Variants in OCLN observed in about 807,000 individuals in gnomAD.
OCLN encodes occludin.
In OCLN, 21 loss-of-function variants were observed where a neutral mutation model predicts 47.9. That is an observed-to-expected ratio of 0.44 (90% confidence interval 0.31 to 0.63). OCLN has a LOEUF of 0.63. OCLN is among the 30% of genes least tolerant of loss of function. The pLI is 0.08. For missense variants in OCLN, 360 were observed against 571.0 expected (o/e 0.63, Z 3.77); for synonymous variants, 117 against 198.4 (o/e 0.59, Z 3.45).
At chr5:69,523,831 C>T (rs567462945) in intron 4 of OCLN, among the ~76,000 whole-genome samples, 19 of 152,188 alleles carry the variant, frequency 1.2e-4, no homozygotes, top group African/African-American at 3.9e-4. Flanking sequence ...CCACCGTGCC[C>T]GGCCAATGAT....
chr5:69,550,760 ATCTT>A (rs1769848407), intron 7 of OCLN, among the ~76,000 whole-genome samples: 1 of 51,894 alleles, frequency 1.9e-5, no homozygotes, highest in Middle Eastern at 5.2e-3. Flanking sequence ...GGTGTTATAG[ATCTT>A]TCTTAATTTA....
chr5:69,516,181 C>T lies in OCLN; in HGVS notation c.891+2072C>T, dbSNP rs560512200. Among the ~76,000 whole-genome samples the T allele has an allele frequency of 5.5e-3, 836 of 152,020 alleles. 5 individuals are homozygous for T. The highest frequency in any genetic ancestry group is 0.019 in the African/African-American group (777 of 41,470). Reference sequence around the variant, plus strand: ...TGGAGGTTGTAGCGAGCCGAGATCACGCCACTGCACTCCAGCCTGGGCACC... The same window carrying T: ...TGGAGGTTGTAGCGAGCCGAGATCATGCCACTGCACTCCAGCCTGGGCACC... On this transcript the variant is annotated intron_variant, in intron 4 of 8. Transcript: ENST00000396442.
At chr5:69,518,119 A>G (rs1008280382) in intron 4 of OCLN, among the ~76,000 whole-genome samples, 1 of 152,214 alleles carries the variant, frequency 6.6e-6, no homozygotes, top group Non-Finnish European at 1.5e-5. Flanking sequence ...TAATTTGGCA[A>G]AAGATAGCTG....
intron 7 of OCLN, among the ~76,000 whole-genome samples, chr5:69,548,708 C>T (rs901428873): frequency 2.4e-4 from 36 of 151,310 alleles, no homozygotes; most frequent in African/African-American, 7.8e-4. Context: ...GCTATAATCC[C>T]CACACTTTGG....
intron 1 of OCLN, among the ~76,000 whole-genome samples, chr5:69,501,420 A>G (rs985377117): frequency 1.3e-5 from 2 of 152,052 alleles, no homozygotes; most frequent in Admixed American, 1.3e-4. Context: ...GCTTGAGCTC[A>G]GGGGTTTGAG....
intron 1 of OCLN, among the ~76,000 whole-genome samples, chr5:69,500,927 CTTT>C (rs1194713624): frequency 0.018 from 2,603 of 147,194 alleles, 32 homozygotes; most frequent in Non-Finnish European, 0.028. Flanking sequence ...TTCTGTTTTA[CTTT>C]TTTTTTTTAA....
chr5:69,493,222 C>T lies in OCLN; in HGVS notation c.-69+322C>T, dbSNP rs1440386666. On this transcript the variant is annotated intron_variant, in intron 1 of 8. Transcript: ENST00000396442. The surrounding 1 kb of genome is among the most constrained non-coding windows in gnomAD (Gnocchi z 5.3). ...TTTCACTTTTATGGGGCACGACATT[C>T]CTGAACAGCGACGATCCTGCATCCG... Among the ~76,000 whole-genome samples, 1 of 152,162 alleles carries T rather than the reference C, an allele frequency of 6.6e-6. No homozygotes were observed. Among genetic ancestry groups the T allele is most frequent in the Non-Finnish European group, 1.5e-5 (1 of 68,030 alleles).
At chr5:69,532,999 A>ATGTGTG (rs373564373) in intron 4 of OCLN, among the ~76,000 whole-genome samples, 55,765 of 137,304 alleles carry the variant, frequency 0.41, 11,264 homozygotes, top group South Asian at 0.47. Flanking sequence ...GTATGCATGT[A>ATGTGTG]TGTGTGTGTG....
chr5:69,501,293 G>A (rs1016124814), intron 1 of OCLN, among the ~76,000 whole-genome samples: 6 of 152,140 alleles, frequency 3.9e-5, no homozygotes, highest in Admixed American at 6.5e-5. Flanking sequence ...TAACATTTTC[G>A]CCTAAATTGC....
chr5:69,517,294 TAA>T (rs1491126362), intron 4 of OCLN, among the ~76,000 whole-genome samples: 7 of 111,432 alleles, frequency 6.3e-5, no homozygotes, highest in Admixed American at 3.1e-4. Flanking sequence ...GTAAAGACAT[TAA>T]TATATATATA....
rs541046547 is a variant in OCLN at position 69,511,752 on chromosome 5, T to C, written c.729+1933T>C. Among the ~76,000 whole-genome samples, 4 of 152,100 alleles carry C rather than the reference T, an allele frequency of 2.6e-5. 1 individual carries two copies. In the South Asian group the frequency reaches 8.3e-4, roughly 32 times the overall value. ...AAAGCTTTTAGTTTTGGGCCGGGCA[T>C]GGTAGCTCACGCCTGTAATCCCAGC... On this transcript the variant is annotated intron_variant, in intron 3 of 8. Transcript: ENST00000396442.
chr5:69,533,026 TACACACACAC>T (rs1224177769), intron 4 of OCLN, among the ~76,000 whole-genome samples: 1 of 148,858 alleles, frequency 6.7e-6, no homozygotes, highest in African/African-American at 2.5e-5. Context: ...TGTGTGTGTA[TACACACACAC>T]ATGTATATAT....
intron 4 of OCLN, among the ~76,000 whole-genome samples, chr5:69,519,119 C>T (rs1307996341): frequency 6.6e-6 from 1 of 152,080 alleles, no homozygotes; most frequent in Admixed American, 6.6e-5. Flanking sequence ...GCCTGGGTGA[C>T]AGAGTGAGAC....
At chr5:69,503,042 G>A (rs1373901585) in intron 1 of OCLN, among the ~76,000 whole-genome samples, 1 of 152,146 alleles carries the variant, frequency 6.6e-6, no homozygotes, top group African/African-American at 2.4e-5. Context: ...GACCCTCTTT[G>A]CATCTGTAAA....
At chr5:69,515,575 C>A (rs1446710155) in intron 4 of OCLN, among the ~76,000 whole-genome samples, 1 of 139,062 alleles carries the variant, frequency 7.2e-6, no homozygotes, top group Non-Finnish European at 1.6e-5. Flanking sequence ...GGCGGCTGGC[C>A]GGGCGGGGGG....
chr5:69,519,469 C>T (rs1769072018), intron 4 of OCLN, among the ~76,000 whole-genome samples: 1 of 152,124 alleles, frequency 6.6e-6, no homozygotes, highest in African/African-American at 2.4e-5. Context: ...TTTTTTCCCC[C>T]TTCCTTTTTC....
chr5:69,500,915 T>A (rs1768440718), intron 1 of OCLN, among the ~76,000 whole-genome samples: 1 of 151,930 alleles, frequency 6.6e-6, no homozygotes, highest in African/African-American at 2.4e-5. Context: ...TAACTTCAGA[T>A]TTTCTGTTTT....
In OCLN at chr5:69,515,329, G is replaced by A. The variant is rs569393463; in HGVS notation, c.891+1220G>A. On this transcript the variant is annotated intron_variant, in intron 4 of 8. Transcript: ENST00000396442. ...GATGGGGCGGCTGGCCGGGCAGAGG[G>A]GCTCCTCACTTCCCAGTAGGGGCGG... 1.8e-4 allele frequency among the ~76,000 whole-genome samples: 26 copies of A among 141,444 alleles called. No homozygotes were observed. In the South Asian group the frequency reaches 5.8e-3, roughly 32 times the overall value. The allele number at this position is 141,444 out of a possible 152,430, so 92.8% of individuals were successfully genotyped here.
At chr5:69,513,593 T>C (rs1005260019) in intron 3 of OCLN, among the ~76,000 whole-genome samples, 2 of 152,232 alleles carry the variant, frequency 1.3e-5, no homozygotes, top group Non-Finnish European at 2.9e-5. Flanking sequence ...GTTACTTTAC[T>C]GGCCATTCTC....
Sources: allele counts gnomAD v4.1 joint callset (sites outside exome capture counted in the v4.1 genomes callset), GRCh38; gene constraint gnomAD v4.1.1; non-coding constraint Gnocchi (gnomAD v3.1); transcripts MANE v1.5; gene names NCBI Gene and HGNC (gene_info 2026-07-23, HGNC 2026-07-21).